NEK5: variants seen among roughly 807,000 people sequenced by gnomAD.
The protein encoded by NEK5 is NIMA related kinase 5.
NEK5 carries 88 observed loss-of-function variants against 109.2 expected under a neutral mutation model. The observed-to-expected ratio is 0.81, with a 90% confidence interval of 0.68 to 0.96. NEK5 has a LOEUF of 0.96. Ranked by LOEUF, NEK5 falls within the 40% of genes least tolerant of loss-of-function variation. The probability of loss-of-function intolerance (pLI) is 0.00; values close to 1 mark genes in which losing one functional copy is unlikely to be tolerated. For missense variants in NEK5, 834 were observed against 920.7 expected (o/e 0.91, Z 1.22); for synonymous variants, 283 against 299.9 (o/e 0.94, Z 0.58).
intron 20 of NEK5, among the ~76,000 whole-genome samples, chr13:52,068,958 G>T (rs1013783878): frequency 4.1e-5 from 6 of 147,606 alleles, no homozygotes; most frequent in African/African-American, 1.5e-4. Flanking sequence ...GCGACAGAGG[G>T]AGACTCCCTC....
chr13:52,080,751 C>T (rs574625289), intron 17 of NEK5, among the ~76,000 whole-genome samples: 25 of 152,092 alleles, frequency 1.6e-4, no homozygotes, highest in Non-Finnish European at 1.5e-4. Flanking sequence ...GACACAAACA[C>T]TGCGGAAGGC....
At chr13:52,067,834 G>A (rs1954715260) in intron 20 of NEK5, among the ~76,000 whole-genome samples, 1 of 151,954 alleles carries the variant, frequency 6.6e-6, no homozygotes, top group Non-Finnish European at 1.5e-5. Flanking sequence ...TGAGATTACA[G>A]GTGTGCACCA....
At chr13:52,090,593 A>C (rs1468986420) in intron 13 of NEK5, among the ~76,000 whole-genome samples, 1 of 152,202 alleles carries the variant, frequency 6.6e-6, no homozygotes, top group Non-Finnish European at 1.5e-5. Context: ...TGTAGCACTC[A>C]TCTGTCTCAT....
At chr13:52,064,060 G>GC (rs1235297898) in intron 21 of NEK5, among the ~76,000 whole-genome samples, 7 of 132,320 alleles carry the variant, frequency 5.3e-5, no homozygotes, top group African/African-American at 2.2e-4. Flanking sequence ...GGGGGGGTCA[G>GC]CCCCCCGCCC....
intron 12 of NEK5, among the ~76,000 whole-genome samples, chr13:52,098,303 A>AATAAATAG (rs1185240845): frequency 6.8e-6 from 1 of 146,038 alleles, no homozygotes; most frequent in South Asian, 2.2e-4. Context: ...TAAATAAATA[A>AATAAATAG]AGCCCTTTAT....
At chr13:52,059,721 G>A (rs1334555507) in intron 22 of NEK5, among the ~76,000 whole-genome samples, 3 of 148,566 alleles carry the variant, frequency 2.0e-5, no homozygotes, top group Admixed American at 1.4e-4. Context: ...ACCAAACACC[G>A]CATATTCTCA....
intron 22 of NEK5, among the ~76,000 whole-genome samples, chr13:52,060,609 G>C (rs1455420905): frequency 6.6e-6 from 1 of 152,136 alleles, no homozygotes; most frequent in Non-Finnish European, 1.5e-5. Context: ...GCCTCCCAAA[G>C]TGCCGGGATT....
At chr13:52,069,656 C>A (rs1274378620) in intron 20 of NEK5, among the ~76,000 whole-genome samples, 3 of 152,176 alleles carry the variant, frequency 2.0e-5, no homozygotes, top group Non-Finnish European at 2.9e-5. Context: ...AAGCTTCATG[C>A]ATTTGAATTA....
intron 4 of NEK5, among the ~76,000 whole-genome samples, chr13:52,115,422 T>C (rs1288742021): frequency 6.0e-5 from 9 of 150,488 alleles, no homozygotes; most frequent in African/African-American, 1.2e-4. Flanking sequence ...CTGGCCAACA[T>C]AGTGAAACCC....
intron 13 of NEK5, among the ~76,000 whole-genome samples, chr13:52,090,479 G>A (rs1955255607): frequency 6.6e-6 from 1 of 152,182 alleles, no homozygotes; most frequent in African/African-American, 2.4e-5. Flanking sequence ...CAGCTGTAAA[G>A]TGGGCATGGT....
chr13:52,061,903 G>A lies in NEK5; in HGVS notation c.2026C>T (p.Arg676Trp), dbSNP rs56368627. 2.1e-3 allele frequency: 2,101 copies of A among 979,016 alleles called. 1 individual carries two copies. Among genetic ancestry groups the A allele is most frequent in the Non-Finnish European group, 2.4e-3 (1,982 of 823,678 alleles). The allele number at this position is 979,016 out of a possible 1,614,324, so 60.6% of individuals were successfully genotyped here. A position where few individuals can be genotyped will look rare whatever the true frequency, so the allele number is the denominator to read the frequency against. The change falls in exon 22 of 24, where the codon CGG becomes TGG. Residue 676 changes from arginine to tryptophan, a missense_variant. Physicochemically the swap from Arg to Trp is moderately radical, Grantham distance 101. Transcript: ENST00000684899. ...EGIPGNRKQW[R>W]HEAPGTLMSV... is the part of the protein sequence containing the mutation. ...ATTAAAGTTCCTGGAGCTTCATGCCGCCACTGTTTCCTGTTTCCTGGAATG... is the reference window on the plus strand; with the variant it reads ...ATTAAAGTTCCTGGAGCTTCATGCCACCACTGTTTCCTGTTTCCTGGAATG...
At chr13:52,125,125 T>G (rs1956039759) in intron 3 of NEK5, among the ~76,000 whole-genome samples, 1 of 152,238 alleles carries the variant, frequency 6.6e-6, no homozygotes, top group African/African-American at 2.4e-5. Context: ...TACTTGTTTT[T>G]GGGTACAATT....
chr13:52,057,332 G>A (rs1304504038), intron 22 of NEK5, among the ~76,000 whole-genome samples: 2 of 151,118 alleles, frequency 1.3e-5, no homozygotes, highest in Non-Finnish European at 3.0e-5. Flanking sequence ...AAAGAGTCCA[G>A]GACCAGATGG....
In NEK5 at chr13:52,102,266, C is replaced by A. The variant is rs1306372677; in HGVS notation, c.636G>T (p.Leu212=). ...AATGTGCTTGACAAATCTTCAGAACCAGCTGCTGTAAGTTGTTACCCTCAA... is the reference window on the plus strand; with the variant it reads ...AATGTGCTTGACAAATCTTCAGAACAAGCTGCTGTAAGTTGTTACCCTCAA... ...HPFEGNNLQQ[L]VLKICQAHFA... The change falls in exon 10 of 24, where the codon CTG becomes CTT. Residue 212 remains leucine, a synonymous_variant. Coordinates refer to ENST00000684899, the MANE Select transcript of NEK5 (RefSeq NM_001365552.1). 3 of 1,614,152 alleles carry A rather than the reference C, an allele frequency of 1.9e-6. No individual in the cohort carries two copies. The highest frequency in any genetic ancestry group is 2.2e-5 in the East Asian group (1 of 44,892).
chr13:52,068,795 C>G (rs1954733440), intron 20 of NEK5, among the ~76,000 whole-genome samples: 1 of 151,804 alleles, frequency 6.6e-6, no homozygotes, highest in Non-Finnish European at 1.5e-5. Context: ...CATGGTGAAA[C>G]CTCATCTCTA....
rs928848547 is a variant in NEK5, at chr13:52,085,673, A to G, written c.1479+604T>C. Among the ~76,000 whole-genome samples, 16 of 152,290 alleles carry G rather than the reference A, an allele frequency of 1.1e-4. No individual in the cohort carries two copies. In the East Asian group the frequency reaches 3.1e-3, roughly 29 times the overall value. On this transcript the variant is annotated intron_variant, in intron 16 of 23. Coordinates refer to ENST00000684899, the MANE Select transcript of NEK5 (RefSeq NM_001365552.1). ...TTCAATAGCCATGTGTCTTTCTTAC[A>G]ACATGGTTTCCAAACACAGGCTGGC...
In NEK5 at chr13:52,064,761, A is replaced by G. The variant is rs899495492; in HGVS notation, c.1975+723T>C. The G allele has an allele frequency of 7.7e-5, 18 of 234,848 alleles. No individual in the cohort carries two copies. The East Asian group carries it at 7.8e-4, about 10-fold the overall frequency. 14.5% of individuals were successfully genotyped at this position (234,848 alleles called of 1,614,324 possible). A position where few individuals can be genotyped will look rare whatever the true frequency, so the allele number is the denominator to read the frequency against. On this transcript the variant is annotated intron_variant, in intron 21 of 23. Coordinates refer to ENST00000684899, the MANE Select transcript of NEK5 (RefSeq NM_001365552.1). ...AAGAAGTAGACATGGGAGACTTTTCATTTTGTTCCGTACTAAGAAAAATTC... is the reference window on the plus strand; with the variant it reads ...AAGAAGTAGACATGGGAGACTTTTCGTTTTGTTCCGTACTAAGAAAAATTC...
chr13:52,049,924 C>G (rs562148764), intron 23 of NEK5, among the ~76,000 whole-genome samples, 180 bp downstream of exon 23: 1 of 152,304 alleles, frequency 6.6e-6, no homozygotes, highest in Admixed American at 6.5e-5. Context: ...CAGAGTATCA[C>G]TGATGCAAAT....
rs1358902434 is a variant in NEK5 at position 52,033,884 on chromosome 13, AACT to A, written c.*3061_*3063del. 2 of 152,188 alleles carry A rather than the reference AACT, an allele frequency of 1.3e-5. No homozygotes were observed. Among genetic ancestry groups the A allele is most frequent in the African/African-American group, 2.4e-5 (1 of 41,442 alleles). The allele number at this position is 152,188 out of a possible 1,614,324, so 9.4% of individuals were successfully genotyped here. A position where few individuals can be genotyped will look rare whatever the true frequency, so the allele number is the denominator to read the frequency against. ...AGTACAATAGAAAAGTTAATTATAT[AACT>A]ACAACACGAAACACAAATTTTTAGA... On this transcript the variant is annotated 3_prime_UTR_variant, in exon 24 of 24. Coordinates refer to ENST00000684899, the MANE Select transcript of NEK5 (RefSeq NM_001365552.1).
Sources: gnomAD v4.1 joint callset for allele counts (sites outside exome capture counted in the v4.1 genomes callset) on GRCh38, gnomAD v4.1.1 for gene constraint, MANE v1.5 for transcripts, NCBI Gene and HGNC (gene_info 2026-07-23, HGNC 2026-07-21) for gene names.